SLC5A8: variants seen among roughly 807,000 people sequenced by gnomAD.
The protein encoded by SLC5A8 is solute carrier family 5 member 8, also known as sodium-coupled monocarboxylate transporter 1.
Under a neutral mutation model 71.9 loss-of-function variants are expected in SLC5A8, and 55 were observed. That is an observed-to-expected ratio of 0.77 (90% CI 0.62 to 0.96). The LOEUF (loss-of-function observed/expected upper bound fraction) is 0.96, where lower values mean the gene tolerates loss of function less well. SLC5A8 is among the 40% of genes least tolerant of loss of function. SLC5A8 has a pLI of 0.00. For missense variants in SLC5A8, 701 were observed against 745.3 expected, an observed-to-expected ratio of 0.94 and a Z score of 0.69; for synonymous variants, 307 against 276.1, an observed-to-expected ratio of 1.11 and a Z score of -1.11.
chr12:101,171,803 C>T (rs1566309711), intron 10 of SLC5A8, among the ~76,000 whole-genome samples: 2 of 152,136 alleles, frequency 1.3e-5, no homozygotes, highest in Non-Finnish European at 2.9e-5. Flanking sequence ...TCAGTGACCT[C>T]AGTGCCAAGT....
At chr12:101,174,645 T>C (rs1303948791) in intron 10 of SLC5A8, among the ~76,000 whole-genome samples, 1 of 152,214 alleles carries the variant, frequency 6.6e-6, no homozygotes, top group African/African-American at 2.4e-5. Flanking sequence ...TGTAAATTCC[T>C]ACATGACATG....
chr12:101,160,683 C>A (rs1362109147), intron 13 of SLC5A8, among the ~76,000 whole-genome samples: 2 of 152,182 alleles, frequency 1.3e-5, no homozygotes, highest in Non-Finnish European at 2.9e-5. Context: ...AGCCTCTTCC[C>A]TGCCCTCGTT....
chr12:101,202,088 C>T, intron 3 of SLC5A8, 76 bp downstream of exon 3: 1 of 1,415,676 alleles, frequency 7.1e-7, no homozygotes, highest in Non-Finnish European at 9.9e-7. Flanking sequence ...CTCCCCATCT[C>T]CCCAAGGAGA....
intron 11 of SLC5A8, among the ~76,000 whole-genome samples, chr12:101,167,092 G>A (rs570609373): frequency 1.6e-4 from 24 of 152,210 alleles, no homozygotes; most frequent in African/African-American, 3.4e-4. Context: ...CAGCTCTTCC[G>A]GAGGAAATAC....
At chr12:101,182,732 G>T in intron 9 of SLC5A8, 71 bp downstream of exon 9, 1 of 1,105,980 alleles carries the variant, frequency 9.0e-7, no homozygotes, top group Non-Finnish European at 1.3e-6. Flanking sequence ...AGCTTCAGTG[G>T]AAAAGAAATT....
intron 10 of SLC5A8, 117 bp downstream of exon 10, chr12:101,179,912 C>A: frequency 2.0e-6 from 2 of 1,021,382 alleles, no homozygotes; most frequent in Non-Finnish European, 1.5e-6. Flanking sequence ...GTCATCCCTG[C>A]CACTTGATAT....
intron 2 of SLC5A8, among the ~76,000 whole-genome samples, chr12:101,203,766 G>A (rs570674928): frequency 2.3e-4 from 35 of 152,348 alleles, no homozygotes; most frequent in African/African-American, 7.2e-4. Flanking sequence ...AGGAAAATGT[G>A]TATATAAATA....
chr12:101,157,195 C>T lies in SLC5A8; in HGVS notation c.*84G>A, dbSNP rs545953682. On this transcript the variant is annotated 3_prime_UTR_variant, in exon 15 of 15. Transcript: ENST00000536262. ...ACACTCATGATACAACACACACACA[C>T]ACACAAAGAAAACCTGATCCAATTA... 1.3e-6 allele frequency: 2 copies of T among 1,531,828 alleles called. No individual in the cohort carries two copies. The highest frequency in any genetic ancestry group is 2.7e-5 in the African/African-American group (2 of 72,910). 94.9% of individuals were successfully genotyped at this position (1,531,828 alleles called of 1,614,324 possible). A position where few individuals can be genotyped will look rare whatever the true frequency, so the allele number is the denominator to read the frequency against.
chr12:101,184,858 A>G (rs992972842), intron 7 of SLC5A8, among the ~76,000 whole-genome samples: 18 of 152,234 alleles, frequency 1.2e-4, no homozygotes, highest in African/African-American at 3.6e-4. Context: ...TTGATAACTT[A>G]TATTTTAAAA....
intron 9 of SLC5A8, among the ~76,000 whole-genome samples, chr12:101,181,162 C>T (rs2051928549): frequency 6.6e-6 from 1 of 151,974 alleles, no homozygotes; most frequent in African/African-American, 2.4e-5. Context: ...GCATTCATAC[C>T]TTTGTTAAAC....
In SLC5A8 at chr12:101,168,162, A is replaced by T. The variant is rs9634221; in HGVS notation, c.1254T>A (p.Gly418=). 0.14 allele frequency: 224,887 copies of T among 1,607,218 alleles called. 20,034 individuals carry two copies. The highest frequency in any genetic ancestry group is 0.52 in the East Asian group (23,395 of 44,660). The change falls in exon 11 of 15, where the codon GGT becomes GGA. Residue 418 remains glycine (G), a synonymous_variant. Coordinates refer to ENST00000536262, the MANE Select transcript of SLC5A8 (RefSeq NM_145913.5). ...ALLQAALSVF[G]MVGGPLMGLF... ...GGCCCATAAGTGGTCCACCAACCATACCAAATACGCTGAGTGCTGCCTACA... is the reference window on the plus strand; with the variant it reads ...GGCCCATAAGTGGTCCACCAACCATTCCAAATACGCTGAGTGCTGCCTACA...
At chr12:101,163,811 C>G (rs952600803) in intron 12 of SLC5A8, among the ~76,000 whole-genome samples, 10 of 152,104 alleles carry the variant, frequency 6.6e-5, no homozygotes, top group Non-Finnish European at 1.3e-4. Context: ...AGAAATAGAC[C>G]CACAGAAAAA....
chr12:101,157,109 A>G lies in SLC5A8; in HGVS notation c.*170T>C, dbSNP rs1048157844. The G allele has an allele frequency of 1.9e-5, 12 of 629,714 alleles. No homozygotes were observed. Among genetic ancestry groups the G allele is most frequent in the Admixed American group, 5.9e-5 (2 of 34,122 alleles). 39.0% of individuals were successfully genotyped at this position (629,714 alleles called of 1,614,324 possible). ...AATTCTAAACTCCAGAGTAACATCAATTAATGATGTAGTAAATGAAGATAG... is the reference window on the plus strand; with the variant it reads ...AATTCTAAACTCCAGAGTAACATCAGTTAATGATGTAGTAAATGAAGATAG... On this transcript the variant is annotated 3_prime_UTR_variant, in exon 15 of 15. Transcript: ENST00000536262.
At chr12:101,162,897 T>C (rs1285440664) in intron 12 of SLC5A8, among the ~76,000 whole-genome samples, 1 of 152,118 alleles carries the variant, frequency 6.6e-6, no homozygotes, top group East Asian at 1.9e-4. Flanking sequence ...AATAAACAAA[T>C]TAATAAATAT....
chr12:101,203,259 T>TTA (rs1260997700), intron 2 of SLC5A8, among the ~76,000 whole-genome samples: 1 of 152,234 alleles, frequency 6.6e-6, no homozygotes, highest in East Asian at 1.9e-4. Flanking sequence ...AAAATTTAAG[T>TTA]TATATAATTT....
At chr12:101,159,888 C>G (rs2051708532) in intron 13 of SLC5A8, among the ~76,000 whole-genome samples, 1 of 152,152 alleles carries the variant, frequency 6.6e-6, no homozygotes. Context: ...AGATGAAAAT[C>G]TGTCTTAAGA....
At chr12:101,178,652 T>G (rs963259913) in intron 10 of SLC5A8, among the ~76,000 whole-genome samples, 2 of 152,122 alleles carry the variant, frequency 1.3e-5, no homozygotes, top group Admixed American at 6.5e-5. Context: ...TATACAAAAT[T>G]AACTCCAAAG....
chr12:101,200,002 C>G, intron 3 of SLC5A8, among the ~76,000 whole-genome samples: 1 of 20,452 alleles, frequency 4.9e-5, no homozygotes, highest in African/African-American at 1.6e-4. Context: ...AAATGAAGTA[C>G]TACCAGCAAA....
In SLC5A8 at chr12:101,158,317, G is replaced by GTTT; in HGVS notation, c.1639_1641dup (p.Lys547dup). On this transcript the variant is annotated inframe_insertion, in exon 14 of 15. Transcript: ENST00000536262. ...AGTATGTATCTGGGGTCTAAGTTCT[G>GTTT]TTTTCTTCCTCCTGGAAAAAAAAAT... The GTTT allele has an allele frequency of 1.3e-6, 2 of 1,582,014 alleles. No homozygotes were observed. The highest frequency in any genetic ancestry group is 1.7e-6 in the Non-Finnish European group (2 of 1,161,052).
Sources: allele counts gnomAD v4.1 joint callset (sites outside exome capture counted in the v4.1 genomes callset), GRCh38; gene constraint gnomAD v4.1.1; transcripts MANE v1.5; gene names NCBI Gene and HGNC (gene_info 2026-07-23, HGNC 2026-07-21).